Variants in STK32A observed in about 807,000 individuals in gnomAD.
STK32A encodes the protein serine/threonine-protein kinase 32A.
A neutral mutation model predicts 53.2 loss-of-function variants in STK32A; 41 were observed. The ratio of observed to expected loss-of-function variants is 0.77; its 90% CI spans 0.60 to 1.00. The LOEUF is 1.00. Among genes scored for constraint, STK32A ranks in the 50% least tolerant of loss-of-function variants. The probability of loss-of-function intolerance (pLI) is 0.00; values close to 1 mark genes in which losing one functional copy is unlikely to be tolerated. For missense variants in STK32A, 458 were observed against 485.8 expected (o/e 0.94, Z 0.54); for synonymous variants, 166 against 162.8 (o/e 1.02, Z -0.15).
At chr5:147,368,385 TTA>T (rs1301425379) in intron 8 of STK32A, among the ~76,000 whole-genome samples, 2 of 152,244 alleles carry the variant, frequency 1.3e-5, no homozygotes, top group African/African-American at 4.8e-5. Context: ...CCTTAGGCTT[TTA>T]TGATATATAC....
At chr5:147,318,118 T>G (rs1754101085) in intron 4 of STK32A, among the ~76,000 whole-genome samples, 1 of 152,218 alleles carries the variant, frequency 6.6e-6, no homozygotes, top group Non-Finnish European at 1.5e-5. Flanking sequence ...GTTTATATCC[T>G]TTTTAAATAT....
At chr5:147,255,079 G>C (rs2151944006) in intron 2 of STK32A, among the ~76,000 whole-genome samples, 1 of 152,290 alleles carries the variant, frequency 6.6e-6, no homozygotes, top group Non-Finnish European at 1.5e-5. Flanking sequence ...GGCGGAGCTT[G>C]CAGTGAGGCG....
At chr5:147,379,759 C>CA (rs1757380822) in intron 11 of STK32A, among the ~76,000 whole-genome samples, 1 of 152,096 alleles carries the variant, frequency 6.6e-6, no homozygotes, top group Admixed American at 6.6e-5. Context: ...CTGCTCTAAC[C>CA]CCTTCCAATA....
At chr5:147,278,073 C>G in intron 2 of STK32A, 51 bp from the exon 3 acceptor site, 1 of 1,433,424 alleles carries the variant, frequency 7.0e-7, no homozygotes, top group Non-Finnish European at 9.6e-7. Flanking sequence ...TTATTAGCTA[C>G]TAAAGAGAAA....
In STK32A at chr5:147,330,755, A is replaced by G. The variant is rs144479402; in HGVS notation, c.434+6684A>G. On this transcript the variant is annotated intron_variant, in intron 5 of 12. Coordinates refer to ENST00000397936, the MANE Select transcript of STK32A (RefSeq NM_001112724.2). ...CTCCTCATTGTTTCTCTGCTCTACC[A>G]CACACTCATTCCCCTCCAAGAAGGC... is the stretch of plus-strand genomic sequence containing the variant. Among the ~76,000 whole-genome samples the G allele has an allele frequency of 5.3e-5, 8 of 152,274 alleles. No individual in the cohort carries two copies. The East Asian group carries it at 1.5e-3, about 29-fold the overall frequency.
chr5:147,303,984 C>T (rs557516472), intron 4 of STK32A, among the ~76,000 whole-genome samples: 21 of 152,122 alleles, frequency 1.4e-4, no homozygotes, highest in African/African-American at 2.4e-4. Context: ...TTGAAAACAA[C>T]GCAAGGAGCC....
chr5:147,324,074 C>G lies in STK32A; in HGVS notation c.434+3C>G. The G allele has an allele frequency of 1.3e-6, 2 of 1,597,450 alleles. No individual in the cohort carries two copies. The highest frequency in any genetic ancestry group is 1.7e-6 in the Non-Finnish European group (2 of 1,172,002). On this transcript the variant is annotated splice_donor_region_variant and intron_variant, in intron 5 of 12. Coordinates refer to ENST00000397936, the MANE Select transcript of STK32A (RefSeq NM_001112724.2). ...CAGAACCAGCGCATCATTCACAGGT[C>G]AGTCAAGTCCAAGGAGATGGCCATG...
At chr5:147,316,903 T>TC (rs1238297017) in intron 4 of STK32A, among the ~76,000 whole-genome samples, 1 of 150,364 alleles carries the variant, frequency 6.7e-6, no homozygotes, top group African/African-American at 2.4e-5. Flanking sequence ...AACATACCTT[T>TC]CCTATATGAA....
chr5:147,348,546 C>T (rs1755801685), intron 6 of STK32A: 1 of 652,998 alleles, frequency 1.5e-6, no homozygotes, highest in African/African-American at 1.8e-5. Context: ...AATCAATTGG[C>T]TCTAAAACCT....
rs189131721 is a variant in STK32A, at chr5:147,383,995, C to T, written c.*12C>T. The T allele has an allele frequency of 3.3e-5, 53 of 1,595,782 alleles. No individual in the cohort carries two copies. In the East Asian group the frequency reaches 5.7e-4, roughly 17 times the overall value. ...ATAACAACTTGTAAAGGCCTCATGT[C>T]TTCTTCTTGGGACAATCTCATGCCA... is the stretch of plus-strand genomic sequence containing the variant. On this transcript the variant is annotated 3_prime_UTR_variant, in exon 13 of 13. Coordinates refer to ENST00000397936, the MANE Select transcript of STK32A (RefSeq NM_001112724.2).
chr5:147,265,264 G>A (rs1324848009), intron 2 of STK32A, among the ~76,000 whole-genome samples: 2 of 151,748 alleles, frequency 1.3e-5, no homozygotes, highest in Admixed American at 6.6e-5. Flanking sequence ...CTGCAAGTCT[G>A]TCTGATGTGA....
intron 8 of STK32A, among the ~76,000 whole-genome samples, chr5:147,366,282 G>C (rs193059064): frequency 2.0e-5 from 3 of 152,264 alleles, no homozygotes; most frequent in East Asian, 3.9e-4. Flanking sequence ...CCTATAAAGA[G>C]AGTTTCCAAG....
intron 8 of STK32A, among the ~76,000 whole-genome samples, chr5:147,364,261 T>G (rs1756648802): frequency 6.6e-6 from 1 of 150,662 alleles, no homozygotes; most frequent in Non-Finnish European, 1.5e-5. Context: ...AAATATCTCA[T>G]TTCATCACTC....
At chr5:147,334,364 G>A (rs1024345935) in intron 5 of STK32A, among the ~76,000 whole-genome samples, 4 of 152,148 alleles carry the variant, frequency 2.6e-5, no homozygotes, top group African/African-American at 9.7e-5. Flanking sequence ...CTTCCATTCA[G>A]TCACCACCCA....
At position 147,330,463 on chromosome 5, in the gene STK32A, G is replaced by A. The variant is rs1193630803; in HGVS notation, c.434+6392G>A. ...AACCATGGAACCAGCCCATGCTGAG[G>A]GGCTGGAAATTATGCAAGGGTGTGA... is the stretch of plus-strand genomic sequence containing the variant. On this transcript the variant is annotated intron_variant, in intron 5 of 12. Coordinates refer to ENST00000397936, the MANE Select transcript of STK32A (RefSeq NM_001112724.2). Among the ~76,000 whole-genome samples the A allele has an allele frequency of 7.2e-5, 11 of 152,220 alleles. 1 individual carries two copies. The highest frequency in any genetic ancestry group is 7.2e-4 in the Admixed American group (11 of 15,278).
At chr5:147,397,491 A>C in the STK32A span, among the ~76,000 whole-genome samples, 28 of 152,340 alleles carry the variant, frequency 1.8e-4, no homozygotes, top group Non-Finnish European at 3.2e-4. Context: ...AAAAATTTTC[A>C]ACACCCTCTT....
the STK32A span, chr5:147,399,182 A>C: frequency 6.2e-7 from 1 of 1,614,260 alleles, no homozygotes; most frequent in South Asian, 1.1e-5. Context: ...GCGGGGATAC[A>C]GGTTGAAGAT....
chr5:147,391,174 T>G (rs963430840), downstream of STK32A: 3 of 152,574 alleles, frequency 2.0e-5, no homozygotes, highest in African/African-American at 7.2e-5. Context: ...GGAAAGGGCT[T>G]CTCAGGGATG....
At chr5:147,374,962 G>A in intron 10 of STK32A, 128 bp from the exon 11 acceptor site, 1 of 679,838 alleles carries the variant, frequency 1.5e-6, no homozygotes, top group Non-Finnish European at 2.1e-6. Flanking sequence ...AAAACTTAGA[G>A]TGGGAATCCC....
Sources: gnomAD v4.1 joint callset for allele counts (sites outside exome capture counted in the v4.1 genomes callset) on GRCh38, gnomAD v4.1.1 for gene constraint, MANE v1.5 for transcripts, NCBI Gene and HGNC (gene_info 2026-07-23, HGNC 2026-07-21) for gene names.